DLGAP4: variants seen among roughly 807,000 people sequenced by gnomAD.
The protein encoded by DLGAP4 is DLG associated protein 4.
DLGAP4 carries 18 observed loss-of-function variants against 86.9 expected under a neutral mutation model. The observed-to-expected ratio is 0.21, with a 90% CI of 0.14 to 0.31. The LOEUF (loss-of-function observed/expected upper bound fraction) is 0.31. Among genes scored for constraint, DLGAP4 ranks in the 10% least tolerant of loss-of-function variants. The probability of loss-of-function intolerance (pLI) is 1.00; values close to 1 mark genes in which losing one functional copy is unlikely to be tolerated. For missense variants in DLGAP4, 1,085 were observed against 1,362.6 expected, an observed-to-expected ratio of 0.80 and a Z score of 3.21; for synonymous variants, 548 against 574.3, an observed-to-expected ratio of 0.95 and a Z score of 0.65.
At chr20:36,327,590 C>CTTT (rs555766337) in intron 1 of DLGAP4, among the ~76,000 whole-genome samples, 10 of 120,018 alleles carry the variant, frequency 8.3e-5, no homozygotes, top group Non-Finnish European at 1.0e-4. Flanking sequence ...TGGTTAAATT[C>CTTT]TTTTTTTTTT....
intron 5 of DLGAP4, among the ~76,000 whole-genome samples, chr20:36,441,535 T>C (rs1371050649): frequency 6.6e-6 from 1 of 152,212 alleles, no homozygotes; most frequent in Non-Finnish European, 1.5e-5. Context: ...TAATGCTGTC[T>C]CCCTCTTAAA....
chr20:36,399,234 CA>C (rs2032085280), intron 2 of DLGAP4, among the ~76,000 whole-genome samples: 1 of 152,052 alleles, frequency 6.6e-6, no homozygotes, highest in Admixed American at 6.6e-5. Flanking sequence ...AAAACAAAAA[CA>C]AAAACATAAA....
intron 2 of DLGAP4, among the ~76,000 whole-genome samples, chr20:36,390,128 GAGAAGACATCAC>G (rs1411755381): frequency 6.6e-6 from 1 of 152,250 alleles, no homozygotes; most frequent in Non-Finnish European, 1.5e-5. Context: ...CTTCAGCTGG[GAGAAGACATCAC>G]AGAAGACATC....
intron 1 of DLGAP4, among the ~76,000 whole-genome samples, chr20:36,327,251 C>T (rs553664937): frequency 2.6e-4 from 40 of 152,138 alleles, no homozygotes; most frequent in African/African-American, 9.4e-4. Context: ...TCACCCACCT[C>T]GGCCTCCCAA....
chr20:36,357,080 G>A (rs560546983), intron 1 of DLGAP4, among the ~76,000 whole-genome samples: 3 of 152,136 alleles, frequency 2.0e-5, no homozygotes, highest in East Asian at 1.9e-4. Flanking sequence ...CACATTTGAC[G>A]AAGCCTCCAT....
intron 2 of DLGAP4, among the ~76,000 whole-genome samples, chr20:36,423,451 G>T (rs1392929608): frequency 2.4e-5 from 2 of 82,370 alleles, no homozygotes; most frequent in African/African-American, 5.2e-5. Flanking sequence ...GCAAGACTCC[G>T]TCTCAAAAAA....
chr20:36,391,327 A>C (rs894953637), intron 2 of DLGAP4, among the ~76,000 whole-genome samples: 2 of 152,146 alleles, frequency 1.3e-5, no homozygotes, highest in African/African-American at 2.4e-5. Flanking sequence ...CCTCCTCTCT[A>C]ATTCTCCAGG....
intron 7 of DLGAP4, among the ~76,000 whole-genome samples, chr20:36,483,572 C>T (rs1290987091): frequency 6.6e-6 from 1 of 152,212 alleles, no homozygotes; most frequent in Non-Finnish European, 1.5e-5. Context: ...GGAAATGGGG[C>T]TGTTCTGAGG....
chr20:36,503,178 TTTTC>T (rs1225988786), intron 10 of DLGAP4, among the ~76,000 whole-genome samples: 8 of 152,250 alleles, frequency 5.3e-5, no homozygotes, highest in Admixed American at 2.6e-4. Context: ...TCCTCGAAGG[TTTTC>T]TTTTTCTTTT....
At chr20:36,487,124 G>C (rs2035452738) in intron 7 of DLGAP4, among the ~76,000 whole-genome samples, 1 of 150,764 alleles carries the variant, frequency 6.6e-6, no homozygotes, top group Admixed American at 6.6e-5. Flanking sequence ...AGATGGAGGA[G>C]GGTGGAAGGA....
In DLGAP4 at chr20:36,362,698, G is replaced by A. The variant is rs181294311; in HGVS notation, c.-303-4347G>A. 3.9e-5 allele frequency among the ~76,000 whole-genome samples: 6 copies of A among 152,358 alleles called. No homozygotes were observed. In the South Asian group the frequency reaches 6.2e-4, roughly 16 times the overall value. On this transcript the variant is annotated intron_variant, in intron 1 of 12. Transcript: ENST00000339266. ...AAACAGACAGAACTCTCTACCCTTC[G>A]GGGCTGACACTTTAGTGAGAGGAGC...
intron 1 of DLGAP4, among the ~76,000 whole-genome samples, chr20:36,325,220 GT>G: frequency 6.6e-6 from 1 of 151,958 alleles, no homozygotes; most frequent in East Asian, 1.9e-4. Context: ...TGACCCATGG[GT>G]TTTTTAGAAA....
intron 1 of DLGAP4, among the ~76,000 whole-genome samples, chr20:36,351,714 G>T (rs543940296): frequency 6.6e-6 from 1 of 152,140 alleles, no homozygotes; most frequent in African/African-American, 2.4e-5. Flanking sequence ...GTGGCGAAAA[G>T]GTTGGGGACC....
intron 7 of DLGAP4, among the ~76,000 whole-genome samples, chr20:36,480,632 GC>G (rs1288605550): frequency 1.3e-5 from 2 of 152,144 alleles, no homozygotes; most frequent in African/African-American, 4.8e-5. Context: ...GATCACTTGA[GC>G]CCAGGAAGTT....
At chr20:36,413,695 A>G (rs1327370756) in intron 2 of DLGAP4, among the ~76,000 whole-genome samples, 1 of 151,944 alleles carries the variant, frequency 6.6e-6, no homozygotes, top group African/African-American at 2.4e-5. Context: ...CTGGAATTAC[A>G]GGCATAAGCC....
Position 36,527,033 on chromosome 20 carries a change from A to G in DLGAP4, c.*2A>G. On this transcript the variant is annotated 3_prime_UTR_variant, in exon 13 of 13. Coordinates refer to ENST00000339266, the MANE Select transcript of DLGAP4 (RefSeq NM_001365621.2). ...CCGGAGGCCCAGACCAGGCTCTGAG[A>G]CCATGCAGGAGGAAAGAAACGATTT... 6.3e-7 allele frequency: 1 copy of G among 1,589,838 alleles called. No homozygotes were observed. The highest frequency in any genetic ancestry group is 8.6e-7 in the Non-Finnish European group (1 of 1,168,208).
chr20:36,377,316 G>T (rs1466485781), intron 2 of DLGAP4, among the ~76,000 whole-genome samples: 1 of 152,210 alleles, frequency 6.6e-6, no homozygotes, highest in Admixed American at 6.5e-5. Flanking sequence ...TTCAGCTGAT[G>T]ATCTGGAAGG....
intron 10 of DLGAP4, among the ~76,000 whole-genome samples, chr20:36,523,940 C>T (rs1324304973): frequency 6.6e-6 from 1 of 152,230 alleles, no homozygotes; most frequent in Non-Finnish European, 1.5e-5. Context: ...GGATTACAGG[C>T]GTGAGCCACT....
At chr20:36,380,484 A>AG (rs1409380993) in intron 2 of DLGAP4, among the ~76,000 whole-genome samples, 2 of 152,002 alleles carry the variant, frequency 1.3e-5, no homozygotes, top group African/African-American at 4.8e-5. Flanking sequence ...GCTACTTGGG[A>AG]GGCTGAGGCA....
Sources: gnomAD v4.1 joint callset for allele counts (sites outside exome capture counted in the v4.1 genomes callset) on GRCh38, gnomAD v4.1.1 for gene constraint, MANE v1.5 for transcripts, NCBI Gene and HGNC (gene_info 2026-07-23, HGNC 2026-07-21) for gene names.